The following ARB2A variants were observed in gnomAD, a reference collection of about 807,000 sequenced individuals.
ARB2A encodes ARB2 cotranscriptional regulator A, also known as cotranscriptional regulator ARB2A.
the ARB2A span, among the ~76,000 whole-genome samples, chr5:93,621,318 C>G: frequency 6.6e-6 from 1 of 151,782 alleles, no homozygotes; most frequent in South Asian, 2.1e-4. Context: ...CTCGCGGGCG[C>G]GGGCCAGCCG....
At chr5:93,863,145 T>C in the ARB2A span, 1 of 151,624 alleles carries the variant, frequency 6.6e-6, no homozygotes, top group Non-Finnish European at 1.5e-5. Context: ...AGACCATCCA[T>C]GTTATATAGG....
the ARB2A span, among the ~76,000 whole-genome samples, chr5:93,990,607 T>C: frequency 4.9e-5 from 7 of 141,982 alleles, no homozygotes; most frequent in Middle Eastern, 3.5e-3. Context: ...AATCTTCCTG[T>C]TTCTACCATG....
the ARB2A span, among the ~76,000 whole-genome samples, chr5:93,924,433 A>C: frequency 6.6e-6 from 1 of 152,218 alleles, no homozygotes; most frequent in Non-Finnish European, 1.5e-5. Flanking sequence ...TTCTTAATGA[A>C]GACTGGTATA....
the ARB2A span, among the ~76,000 whole-genome samples, chr5:94,049,991 G>A: frequency 1.3e-5 from 2 of 151,978 alleles, no homozygotes; most frequent in African/African-American, 4.8e-5. Context: ...CAAGGCTGGA[G>A]TGCAACGGTG....
the ARB2A span, among the ~76,000 whole-genome samples, chr5:93,670,642 T>C: frequency 6.6e-6 from 1 of 152,230 alleles, no homozygotes; most frequent in African/African-American, 2.4e-5. Context: ...TTCATTCACA[T>C]AGGAACAATT....
chr5:93,904,732 C>G, the ARB2A span, among the ~76,000 whole-genome samples: 1 of 151,490 alleles, frequency 6.6e-6, no homozygotes, highest in African/African-American at 2.4e-5. Context: ...AAATGGGAGA[C>G]CTGAAGTTGC....
At chr5:93,784,432 T>A in the ARB2A span, 1 of 1,613,536 alleles carries the variant, frequency 6.2e-7, no homozygotes, top group Non-Finnish European at 8.5e-7. Flanking sequence ...ATGCCACACA[T>A]TGTGAACAGA....
At chr5:93,779,090 A>AGTGTGT in the ARB2A span, among the ~76,000 whole-genome samples, 4,051 of 143,388 alleles carry the variant, frequency 0.028, 97 homozygotes, top group African/African-American at 0.046. Context: ...GTCATTTCAG[A>AGTGTGT]GTGTGTGTGT....
the ARB2A span, among the ~76,000 whole-genome samples, chr5:93,642,684 T>A: frequency 6.6e-6 from 1 of 151,892 alleles, no homozygotes; most frequent in Non-Finnish European, 1.5e-5. Context: ...CCCAGCTAAT[T>A]AAAAAAAATT....
the ARB2A span, among the ~76,000 whole-genome samples, chr5:93,839,757 G>A: frequency 6.6e-6 from 1 of 151,946 alleles, no homozygotes; most frequent in Admixed American, 6.6e-5. Flanking sequence ...GTCTTGGGAG[G>A]TTGTATATGT....
chr5:93,996,638 C>T, the ARB2A span, among the ~76,000 whole-genome samples: 1 of 152,026 alleles, frequency 6.6e-6, no homozygotes, highest in African/African-American at 2.4e-5. Context: ...TTACATACTA[C>T]CTTAAGTCTC....
At chr5:94,075,628 A>C in the ARB2A span, among the ~76,000 whole-genome samples, 1 of 152,168 alleles carries the variant, frequency 6.6e-6, no homozygotes, top group Non-Finnish European at 1.5e-5. Flanking sequence ...TGACAATATA[A>C]CAAGATTGAA....
chr5:93,976,651 G>A, the ARB2A span, among the ~76,000 whole-genome samples: 8 of 152,158 alleles, frequency 5.3e-5, no homozygotes, highest in African/African-American at 7.2e-5. Context: ...CCTGCTGGAT[G>A]TGAAGAAGGT....
chr5:93,674,165 A>C, the ARB2A span, among the ~76,000 whole-genome samples: 2 of 152,204 alleles, frequency 1.3e-5, no homozygotes, highest in African/African-American at 4.8e-5. Context: ...GTAAAGTTTC[A>C]ATTAAAACAT....
At chr5:93,954,581 T>C in the ARB2A span, among the ~76,000 whole-genome samples, 1 of 151,854 alleles carries the variant, frequency 6.6e-6, no homozygotes, top group Non-Finnish European at 1.5e-5. Flanking sequence ...CTGCGAGCTG[T>C]GTTGCCTGGG....
At chr5:94,051,596 T>A in the ARB2A span, among the ~76,000 whole-genome samples, 1 of 152,186 alleles carries the variant, frequency 6.6e-6, no homozygotes, top group Non-Finnish European at 1.5e-5. Flanking sequence ...GATAGCACTC[T>A]CTGGCCCAAA....
the ARB2A span, among the ~76,000 whole-genome samples, chr5:93,988,751 A>G: frequency 1.3e-5 from 2 of 152,156 alleles, no homozygotes; most frequent in Non-Finnish European, 2.9e-5. Context: ...ATACTGACAT[A>G]AGGTCCTTTA....
At chr5:93,972,906 T>C in the ARB2A span, among the ~76,000 whole-genome samples, 4 of 149,018 alleles carry the variant, frequency 2.7e-5, no homozygotes, top group Non-Finnish European at 4.4e-5. Context: ...GGAGACCTTG[T>C]CTCTTAAAAA....
At chr5:93,785,078 A>G in the ARB2A span, among the ~76,000 whole-genome samples, 10 of 152,208 alleles carry the variant, frequency 6.6e-5, no homozygotes, top group Non-Finnish European at 1.3e-4. Context: ...GGCAAACATT[A>G]TATTTTATAA....
Sources: gnomAD v4.1 joint callset for allele counts (sites outside exome capture counted in the v4.1 genomes callset) on GRCh38, gnomAD v4.1.1 for gene constraint, MANE v1.5 for transcripts, NCBI Gene and HGNC (gene_info 2026-07-23, HGNC 2026-07-21) for gene names.